MGAT4C: variants seen among roughly 807,000 people sequenced by gnomAD.
MGAT4C encodes MGAT4 family member C.
In MGAT4C, 19 loss-of-function variants were observed where a neutral mutation model predicts 40.1. The observed-to-expected ratio is 0.47, with a 90% CI of 0.33 to 0.70. The LOEUF (loss-of-function observed/expected upper bound fraction) is 0.70. Ranked by LOEUF, MGAT4C falls within the 30% of genes least tolerant of loss-of-function variation. The pLI, the probability that MGAT4C is intolerant of heterozygous loss-of-function variation, is 0.02. For synonymous variants in MGAT4C, 181 were observed against 187.1 expected, an observed-to-expected ratio of 0.97 and a Z score of 0.27; for missense variants, 491 against 563.2, an observed-to-expected ratio of 0.87 and a Z score of 1.30.
chr12:86,240,202 T>TGA (rs1951727448), intron 1 of MGAT4C, among the ~76,000 whole-genome samples: 1 of 146,744 alleles, frequency 6.8e-6, no homozygotes, highest in African/African-American at 2.6e-5. Flanking sequence ...ATGATATATA[T>TGA]CATATATATA....
chr12:86,646,304 G>T (rs1963542572), intron 2 of MGAT4C, among the ~76,000 whole-genome samples: 1 of 151,696 alleles, frequency 6.6e-6, no homozygotes, highest in Admixed American at 6.6e-5. Flanking sequence ...CTTTCATATT[G>T]CCAAGCATAA....
intron 4 of MGAT4C, among the ~76,000 whole-genome samples, chr12:86,284,946 C>T (rs1215151262): frequency 1.3e-5 from 2 of 151,922 alleles, no homozygotes; most frequent in African/African-American, 2.4e-5. Flanking sequence ...ATTTTAGCAA[C>T]TAAACTTTGG....
intron 2 of MGAT4C, among the ~76,000 whole-genome samples, chr12:86,004,239 T>C (rs1399968815): frequency 1.3e-5 from 2 of 152,192 alleles, no homozygotes; most frequent in Non-Finnish European, 1.5e-5. Context: ...TTTCCCTAGA[T>C]TATATTTTTG....
intron 1 of MGAT4C, among the ~76,000 whole-genome samples, chr12:86,233,244 C>G (rs1175165251): frequency 1.3e-5 from 2 of 152,118 alleles, no homozygotes; most frequent in East Asian, 3.9e-4. Context: ...AGCTTATATG[C>G]AAGTCTGTTT....
chr12:86,820,209 G>A (rs1365763754), intron 1 of MGAT4C, among the ~76,000 whole-genome samples: 1 of 150,398 alleles, frequency 6.6e-6, no homozygotes, highest in Non-Finnish European at 1.5e-5. Flanking sequence ...ATTATAATGG[G>A]CAATTTTCTA....
At chr12:86,652,122 T>G (rs541632279) in intron 2 of MGAT4C, among the ~76,000 whole-genome samples, 1 of 152,014 alleles carries the variant, frequency 6.6e-6, no homozygotes, top group Admixed American at 6.6e-5. Context: ...GCAACCACTA[T>G]GTCCTCCTCC....
intron 1 of MGAT4C, among the ~76,000 whole-genome samples, chr12:86,160,453 C>A (rs2135798137): frequency 6.6e-6 from 1 of 152,090 alleles, no homozygotes; most frequent in South Asian, 2.1e-4. Context: ...GGTATGATTT[C>A]AATTTGCTTT....
At chr12:86,513,387 C>T (rs1377644746) in intron 2 of MGAT4C, among the ~76,000 whole-genome samples, 1 of 152,124 alleles carries the variant, frequency 6.6e-6, no homozygotes, top group African/African-American at 2.4e-5. Context: ...ATGATTTCTT[C>T]ATGTCTGAAT....
At chr12:86,057,448 C>T (rs1187007924) in intron 1 of MGAT4C, among the ~76,000 whole-genome samples, 1 of 152,192 alleles carries the variant, frequency 6.6e-6, no homozygotes, top group Non-Finnish European at 1.5e-5. Context: ...TTTACTCCCA[C>T]CAATAATTCT....
chr12:86,288,752 T>C (rs186796038), intron 4 of MGAT4C, among the ~76,000 whole-genome samples: 2 of 152,254 alleles, frequency 1.3e-5, no homozygotes, highest in Non-Finnish European at 2.9e-5. Context: ...GCCCTCTTTT[T>C]AATGGGGTTG....
chr12:86,382,995 C>T (rs1271105230), intron 3 of MGAT4C, among the ~76,000 whole-genome samples: 2 of 152,222 alleles, frequency 1.3e-5, no homozygotes, highest in South Asian at 2.1e-4. Context: ...AGAGTGCCTA[C>T]TGGGGCACCA....
chr12:86,696,095 C>G (rs1308113265), intron 2 of MGAT4C, among the ~76,000 whole-genome samples: 1 of 151,822 alleles, frequency 6.6e-6, no homozygotes, highest in East Asian at 1.9e-4. Context: ...ACCTGTATTC[C>G]CAACTACTGG....
intron 4 of MGAT4C, among the ~76,000 whole-genome samples, chr12:86,333,267 G>A (rs569751186): frequency 6.6e-6 from 1 of 152,158 alleles, no homozygotes; most frequent in South Asian, 2.1e-4. Context: ...GCCATTATTG[G>A]GGAAAAAAAT....
At chr12:86,296,532 T>A (rs1953682567) in intron 4 of MGAT4C, among the ~76,000 whole-genome samples, 1 of 152,168 alleles carries the variant, frequency 6.6e-6, no homozygotes, top group South Asian at 2.1e-4. Context: ...GGGCTGCAGG[T>A]CCCGAGGCCT....
chr12:86,543,566 T>C (rs1435183773), intron 2 of MGAT4C, among the ~76,000 whole-genome samples: 3 of 152,134 alleles, frequency 2.0e-5, no homozygotes, highest in Non-Finnish European at 4.4e-5. Context: ...TTTTCCACAA[T>C]TGCATTAATT....
intron 2 of MGAT4C, among the ~76,000 whole-genome samples, chr12:86,711,388 A>G (rs2136631626): frequency 6.6e-6 from 1 of 152,066 alleles, no homozygotes; most frequent in Admixed American, 6.6e-5. Context: ...AGGAACCAAC[A>G]CTCATATTTA....
In MGAT4C at chr12:86,264,594, C is replaced by T. The variant is rs562124347; in HGVS notation, c.-57+69471G>A. Among the ~76,000 whole-genome samples the T allele has an allele frequency of 1.3e-5, 2 of 152,174 alleles. 1 individual carries two copies. The highest frequency in any genetic ancestry group is 4.8e-5 in the African/African-American group (2 of 41,456). On this transcript the variant is annotated intron_variant, in intron 4 of 7. Transcript: ENST00000548651. ...GCTTCCCAGGTGAAGCTGCAGCCAC[C>T]CAGCTGTGTGTGCGGACCCGGGCAT...
intron 1 of MGAT4C, among the ~76,000 whole-genome samples, chr12:86,806,888 A>AG (rs1429038398): frequency 1.3e-5 from 2 of 151,884 alleles, no homozygotes; most frequent in Non-Finnish European, 2.9e-5. Flanking sequence ...GGATAGCACT[A>AG]GAGATATACC....
At chr12:86,607,809 T>C (rs1245812919) in intron 2 of MGAT4C, among the ~76,000 whole-genome samples, 1 of 152,130 alleles carries the variant, frequency 6.6e-6, no homozygotes, top group Non-Finnish European at 1.5e-5. Flanking sequence ...TTGTAAAACT[T>C]AGTAAAATAA....
Sources: gnomAD v4.1 joint callset for allele counts (sites outside exome capture counted in the v4.1 genomes callset) on GRCh38, gnomAD v4.1.1 for gene constraint, MANE v1.5 for transcripts, NCBI Gene and HGNC (gene_info 2026-07-23, HGNC 2026-07-21) for gene names.